Variants in MORC2 observed in about 807,000 individuals in gnomAD.
The protein encoded by MORC2 is ATPase MORC2.
In MORC2, 30 loss-of-function variants were observed where a neutral mutation model predicts 136.0. That is an observed-to-expected ratio of 0.22 (90% confidence interval 0.17 to 0.30). MORC2 has a LOEUF of 0.30. MORC2 is among the 10% of genes least tolerant of loss of function. MORC2 has a pLI of 1.00. For missense variants in MORC2, 922 were observed against 1,333.1 expected, an observed-to-expected ratio of 0.69 and a Z score of 4.80; for synonymous variants, 439 against 487.0, an observed-to-expected ratio of 0.90 and a Z score of 1.30.
chr22:30,942,398 C>T, intron 6 of MORC2, 127 bp from the exon 7 acceptor site: 1 of 1,044,902 alleles, frequency 9.6e-7, no homozygotes, highest in East Asian at 2.4e-5. Context: ...CCAAGCTCCA[C>T]AGCCTGGCAC....
chr22:30,956,473 A>G (rs2040969761), intron 3 of MORC2, among the ~76,000 whole-genome samples: 2 of 152,152 alleles, frequency 1.3e-5, no homozygotes. Flanking sequence ...TAACTTGGTC[A>G]TTTCACTCTC....
chr22:30,950,330 T>A, intron 4 of MORC2, 47 bp downstream of exon 4: 1 of 991,960 alleles, frequency 1.0e-6, no homozygotes, highest in Non-Finnish European at 1.6e-6. Flanking sequence ...GTAAAAATGG[T>A]TACATCGCAC....
intron 12 of MORC2, among the ~76,000 whole-genome samples, 160 bp from the exon 13 acceptor site, chr22:30,938,365 C>T (rs1371092443): frequency 6.6e-6 from 1 of 152,192 alleles, no homozygotes; most frequent in Non-Finnish European, 1.5e-5. Flanking sequence ...TGGACATGCA[C>T]TGGGCACCAA....
chr22:30,963,260 G>A (rs1474340039), intron 1 of MORC2: 1 of 965,582 alleles, frequency 1.0e-6, no homozygotes, highest in Non-Finnish European at 1.2e-6. Flanking sequence ...ACAGGCGTGA[G>A]CCACAGCACC....
At chr22:30,945,973 C>A (rs1167854404) in intron 6 of MORC2, among the ~76,000 whole-genome samples, 7 of 152,156 alleles carry the variant, frequency 4.6e-5, no homozygotes, top group Non-Finnish European at 5.9e-5. Context: ...ACACCATGAT[C>A]AGGGAAGCCC....
chr22:30,936,864 C>T, intron 16 of MORC2, 68 bp downstream of exon 16: 1 of 1,477,490 alleles, frequency 6.8e-7, no homozygotes, highest in Non-Finnish European at 9.4e-7. Flanking sequence ...GTGCACTGAC[C>T]TCAAGAAACA....
chr22:30,926,898 C>A (rs556489623), intron 25 of MORC2, 27 bp from the exon 26 acceptor site: 1 of 1,602,074 alleles, frequency 6.2e-7, no homozygotes, highest in South Asian at 1.1e-5. Context: ...TAGGGATCAA[C>A]TGGGGGCCAG....
chr22:30,943,591 A>G (rs1184964584), intron 6 of MORC2, among the ~76,000 whole-genome samples: 1 of 152,218 alleles, frequency 6.6e-6, no homozygotes, highest in Non-Finnish European at 1.5e-5. Flanking sequence ...AGCCCTGCAG[A>G]TGGCTGCCTG....
intron 24 of MORC2, among the ~76,000 whole-genome samples, chr22:30,931,399 G>GA (rs2040574442): frequency 6.6e-6 from 1 of 152,106 alleles, no homozygotes; most frequent in South Asian, 2.1e-4. Context: ...GCCCTCTACA[G>GA]AAAAAAATGT....
rs924176973 is a variant in MORC2 at position 30,928,097 on chromosome 22, C to T, written c.2952G>A (p.Glu984=). The T allele has an allele frequency of 5.0e-6, 8 of 1,614,036 alleles. No homozygotes were observed. The highest frequency in any genetic ancestry group is 6.8e-6 in the Non-Finnish European group (8 of 1,180,040). The change falls in exon 25 of 26, where the codon GAG becomes GAA. Residue 984 remains glutamate, a synonymous_variant. Coordinates refer to ENST00000397641, the MANE Select transcript of MORC2 (RefSeq NM_001303256.3). ...KASEESLRTS[E]RKLRETEEKL... is the part of the protein sequence containing the mutation. ...TCTCCTCCGTCTCGCGGAGCTTCCT[C>T]TCGGAGGTGCGCAGGCTTTCCTCGG...
rs2040597232 is a variant in MORC2 at position 30,932,947 on chromosome 22, C to A, written c.2464G>T (p.Val822Leu). The change falls in exon 22 of 26, where the codon GTG (valine) becomes TTG (leucine). Residue 822 changes from valine (V) to leucine (L), a missense_variant. By Grantham distance (32) the Val-to-Leu change is conservative (BLOSUM62 1). Around this residue, in one of 9 missense-constraint regions of MORC2, gnomAD observed 263 missense variants for 388.3 expected, o/e 0.68. Transcript: ENST00000397641. This position sits in a 1 kb window ranked among gnomAD's most constrained non-coding sequence, Gnocchi z 4.4. ...TAGTCAAACTTCACCTTCCACCGCA[C>A]CACATGCTTGCCCACCTCCACGGCT... The part of the protein sequence containing the change: ...VTAVEVGKHV[V>L]RWKVKFDYVP... The A allele has an allele frequency of 6.2e-7, 1 of 1,614,200 alleles. No homozygotes were observed. Among genetic ancestry groups the A allele is most frequent in the Non-Finnish European group, 8.5e-7 (1 of 1,180,032 alleles).
chr22:30,960,371 C>A (rs576400563), intron 1 of MORC2, among the ~76,000 whole-genome samples: 1 of 152,006 alleles, frequency 6.6e-6, no homozygotes, highest in Non-Finnish European at 1.5e-5. Context: ...AAAGGCAGCA[C>A]GACAAATATG....
chr22:30,937,087 T>G lies in MORC2; in HGVS notation c.1499-50A>C, dbSNP rs1204270273. On this transcript the variant is annotated intron_variant, in intron 15 of 25. Coordinates refer to ENST00000397641, the MANE Select transcript of MORC2 (RefSeq NM_001303256.3). The surrounding 1 kb of genome is among the most constrained non-coding windows in gnomAD (Gnocchi z 4.7). ...ATATCAGCCACGCCCACCAACTCTA[T>G]CTGTAATCCGGGTTCCTCACAGGCC... is the stretch of plus-strand genomic sequence containing the variant. The G allele has an allele frequency of 7.2e-7, 1 of 1,383,564 alleles. No individual in the cohort carries two copies. Among genetic ancestry groups the G allele is most frequent in the African/African-American group, 1.4e-5 (1 of 70,280 alleles). The allele number at this position is 1,383,564 out of a possible 1,614,324, so 85.7% of individuals were successfully genotyped here.
intron 3 of MORC2, among the ~76,000 whole-genome samples, chr22:30,956,432 C>T (rs2040969220): frequency 6.6e-6 from 1 of 152,208 alleles, no homozygotes; most frequent in Non-Finnish European, 1.5e-5. Flanking sequence ...TACCACAAAC[C>T]TCGTTCACCT....
Position 30,942,239 on chromosome 22 carries a change from C to G in MORC2, c.459G>C (p.Arg153=). Residue 153 remains arginine (R), a synonymous_variant, in exon 7 of 26, where the codon CGG becomes CGC. Coordinates refer to ENST00000397641, the MANE Select transcript of MORC2 (RefSeq NM_001303256.3). ...VIVPLPTWNA[R]TREPVTDNVE... ...CATTGTCTGTGACAGGTTCCCGGGT[C>G]CGAGCATTCCAGGTGGGCAGTGGGA... 1 of 1,613,320 alleles carries G rather than the reference C, an allele frequency of 6.2e-7. No individual in the cohort carries two copies. The highest frequency in any genetic ancestry group is 1.7e-4 in the Middle Eastern group (1 of 5,760).
At position 30,942,189 on chromosome 22, in the gene MORC2, T is replaced by C. The variant is rs1457131129; in HGVS notation, c.509A>G (p.Glu170Gly). Reference sequence around the variant, plus strand: ...GAATGGAGAGTACTTATAGATGAGTTCTGTCTCAATGGCAAATTTCTCTAC... The same window carrying C: ...GAATGGAGAGTACTTATAGATGAGTCCTGTCTCAATGGCAAATTTCTCTAC... ...DNVEKFAIET[E>G]LIYKYSPFRT... Residue 170 changes from glutamate to glycine, a missense_variant, in exon 7 of 26, where the codon GAA becomes GGA. Coordinates refer to ENST00000397641, the MANE Select transcript of MORC2 (RefSeq NM_001303256.3). 2 of 1,614,078 alleles carry C rather than the reference T, an allele frequency of 1.2e-6. No homozygotes were observed. The highest frequency in any genetic ancestry group is 1.3e-5 in the African/African-American group (1 of 74,942).
intron 1 of MORC2, among the ~76,000 whole-genome samples, chr22:30,960,214 G>C (rs1274556483): frequency 2.0e-5 from 3 of 152,274 alleles, no homozygotes; most frequent in African/African-American, 7.2e-5. Flanking sequence ...TGATCTGCCT[G>C]CCTTGGACTC....
At chr22:30,936,733 C>T (rs1463656670) in intron 16 of MORC2, 90 bp from the exon 17 acceptor site, 3 of 1,520,454 alleles carry the variant, frequency 2.0e-6, no homozygotes, top group Non-Finnish European at 2.7e-6. Flanking sequence ...CACTGTCTGT[C>T]ACAAGAGCAA....
rs898436597 is a variant in MORC2 at position 30,960,129 on chromosome 22, G to A, written c.69-1435C>T. ...ATTACAGGCATGCGCCACCACACCC[G>A]GCTAATTTTGTATTTTTAGTAGAGA... On this transcript the variant is annotated intron_variant, in intron 1 of 25. Transcript: ENST00000397641. Among the ~76,000 whole-genome samples the A allele has an allele frequency of 8.5e-5, 13 of 152,184 alleles. No homozygotes were observed. In the South Asian group the frequency reaches 1.2e-3, roughly 15 times the overall value.
Sources: allele counts gnomAD v4.1 joint callset (sites outside exome capture counted in the v4.1 genomes callset), GRCh38; gene constraint gnomAD v4.1.1; regional missense constraint gnomAD v4.1.1; non-coding constraint Gnocchi (gnomAD v3.1); transcripts MANE v1.5; gene names NCBI Gene and HGNC (gene_info 2026-07-23, HGNC 2026-07-21).